SKAP2: variants seen among roughly 807,000 people sequenced by gnomAD.
The protein encoded by SKAP2 is src kinase associated phosphoprotein 2.
SKAP2 carries 28 observed loss-of-function variants against 54.9 expected under a neutral mutation model. That is an observed-to-expected ratio of 0.51 (90% CI 0.38 to 0.70). The LOEUF (loss-of-function observed/expected upper bound fraction) is 0.70, where lower values mean the gene tolerates loss of function less well. Among genes scored for constraint, SKAP2 ranks in the 30% least tolerant of loss-of-function variants. The pLI is 0.00. For synonymous variants in SKAP2, 137 were observed against 134.3 expected, an observed-to-expected ratio of 1.02 and a Z score of -0.14; for missense variants, 356 against 424.1, an observed-to-expected ratio of 0.84 and a Z score of 1.41.
At chr7:26,705,870 A>G (rs1027658610) in intron 9 of SKAP2, among the ~76,000 whole-genome samples, 5 of 152,220 alleles carry the variant, frequency 3.3e-5, no homozygotes, top group Non-Finnish European at 5.9e-5. Flanking sequence ...TCATATATTG[A>G]AAAGTTAAAA....
chr7:26,797,792 G>A (rs1783814199), intron 4 of SKAP2, among the ~76,000 whole-genome samples: 2 of 151,854 alleles, frequency 1.3e-5, no homozygotes, highest in South Asian at 4.2e-4. Context: ...CACAGAGAAG[G>A]AATTCTGAAT....
At chr7:26,849,642 G>GC (rs1320398943) in intron 3 of SKAP2, among the ~76,000 whole-genome samples, 2 of 143,000 alleles carry the variant, frequency 1.4e-5, no homozygotes, top group African/African-American at 5.2e-5. Context: ...CAGAGACCAC[G>GC]CCACTGCACT....
At chr7:26,830,132 C>T (rs1784569412) in intron 4 of SKAP2, among the ~76,000 whole-genome samples, 1 of 152,076 alleles carries the variant, frequency 6.6e-6, no homozygotes, top group Admixed American at 6.6e-5. Context: ...AAAAGCCAGA[C>T]ATACAAAGTT....
chr7:26,786,174 G>A (rs535995962), intron 4 of SKAP2, among the ~76,000 whole-genome samples: 2 of 152,118 alleles, frequency 1.3e-5, no homozygotes, highest in Admixed American at 6.5e-5. Context: ...CAAGATGGGG[G>A]AAATTAGGAC....
intron 7 of SKAP2, among the ~76,000 whole-genome samples, chr7:26,726,451 T>G (rs1398593024): frequency 6.6e-6 from 1 of 152,166 alleles, no homozygotes; most frequent in Non-Finnish European, 1.5e-5. Flanking sequence ...CTGATAGCTA[T>G]TGAATTGCAG....
At chr7:26,815,105 GTCT>G (rs1376246702) in intron 4 of SKAP2, among the ~76,000 whole-genome samples, 2 of 143,822 alleles carry the variant, frequency 1.4e-5, no homozygotes, top group Non-Finnish European at 3.1e-5. Context: ...TATACAAATG[GTCT>G]TTTTTTTTTT....
Position 26,864,425 on chromosome 7 carries a change from G to A in SKAP2, c.5C>T (p.Pro2Leu), listed in dbSNP as rs1243108044. 8.1e-6 allele frequency: 13 copies of A among 1,606,668 alleles called. No homozygotes were observed. The highest frequency in any genetic ancestry group is 2.7e-5 in the African/African-American group (2 of 74,512). The change falls in exon 1 of 13, where the codon CCC becomes CTC. Residue 2 changes from proline (P) to leucine (L), a missense_variant. Physicochemically the swap from Pro to Leu is moderately conservative, Grantham distance 98 (BLOSUM62 -3). Transcript: ENST00000345317. ...GGGAGAGGAGGTGCTGCTGGGGTTG[G>A]GCATGTTAGGGAGCGCAGGGCGTGC... M[P>L]NPSSTSSPYP...
At chr7:26,790,408 T>C (rs1358181049) in intron 4 of SKAP2, among the ~76,000 whole-genome samples, 1 of 152,218 alleles carries the variant, frequency 6.6e-6, no homozygotes, top group Non-Finnish European at 1.5e-5. Flanking sequence ...GGTGAACTTT[T>C]AGAAATCTTA....
intron 4 of SKAP2, among the ~76,000 whole-genome samples, chr7:26,790,641 A>G (rs1783655386): frequency 6.6e-6 from 1 of 152,334 alleles, no homozygotes; most frequent in South Asian, 2.1e-4. Flanking sequence ...TTTATATTTC[A>G]TACTTGCTTT....
At chr7:26,785,307 C>T (rs892105007) in intron 4 of SKAP2, among the ~76,000 whole-genome samples, 1 of 152,072 alleles carries the variant, frequency 6.6e-6, no homozygotes, top group African/African-American at 2.4e-5. Flanking sequence ...CTGCCTCAGC[C>T]TCCCGAGTAG....
intron 4 of SKAP2, among the ~76,000 whole-genome samples, chr7:26,788,823 C>T (rs1273080136): frequency 1.3e-5 from 2 of 150,934 alleles, no homozygotes; most frequent in South Asian, 2.1e-4. Flanking sequence ...TACACACGTG[C>T]GCACACACAC....
At chr7:26,824,097 A>AGAATCAATCAAT (rs70946233) in intron 4 of SKAP2, among the ~76,000 whole-genome samples, 77,181 of 150,790 alleles carry the variant, frequency 0.51, 20,438 homozygotes, top group East Asian at 0.85. Context: ...CATGGAAAGA[A>AGAATCAATCAAT]GAATCAATCA....
At chr7:26,662,252 C>T (rs753693940), downstream of SKAP2, among the ~76,000 whole-genome samples, 3 of 152,164 alleles carry the variant, frequency 2.0e-5, no homozygotes, top group Non-Finnish European at 2.9e-5. Flanking sequence ...TCAGGAGCTA[C>T]AAGCATTTTG....
intron 9 of SKAP2, among the ~76,000 whole-genome samples, chr7:26,717,840 T>C (rs1473079652): frequency 6.6e-6 from 1 of 150,660 alleles, no homozygotes; most frequent in South Asian, 2.1e-4. Flanking sequence ...TCAAAAAAAA[T>C]AAAAAAATAA....
chr7:26,748,727 T>C (rs1029475761), intron 4 of SKAP2, among the ~76,000 whole-genome samples: 2 of 152,072 alleles, frequency 1.3e-5, no homozygotes, highest in Admixed American at 1.3e-4. Flanking sequence ...TCTAAATATA[T>C]CAAAATGTTC....
intron 4 of SKAP2, among the ~76,000 whole-genome samples, chr7:26,741,239 G>A (rs373514660): frequency 1.3e-5 from 2 of 151,742 alleles, no homozygotes; most frequent in Admixed American, 6.6e-5. Flanking sequence ...CTAAGTGGCC[G>A]GGTGCAATGG....
intron 1 of SKAP2, among the ~76,000 whole-genome samples, chr7:26,861,941 C>T (rs1026087770): frequency 3.3e-5 from 5 of 151,674 alleles, no homozygotes; most frequent in African/African-American, 1.2e-4. Context: ...GACTTTAAAC[C>T]CCTGAAAAGT....
At chr7:26,734,068 C>T (rs978086021) in intron 6 of SKAP2, among the ~76,000 whole-genome samples, 1 of 152,098 alleles carries the variant, frequency 6.6e-6, no homozygotes, top group African/African-American at 2.4e-5. Context: ...CTTATGGGCA[C>T]CTTGGAGGGG....
At chr7:26,677,394 T>TAA (rs1322136047) in intron 11 of SKAP2, among the ~76,000 whole-genome samples, 89 of 72,936 alleles carry the variant, frequency 1.2e-3, no homozygotes, top group Middle Eastern at 8.3e-3. Flanking sequence ...TCTGTCTCAA[T>TAA]AAAAAAAAAA....
Sources: allele counts gnomAD v4.1 joint callset (sites outside exome capture counted in the v4.1 genomes callset), GRCh38; gene constraint gnomAD v4.1.1; transcripts MANE v1.5; gene names NCBI Gene and HGNC (gene_info 2026-07-23, HGNC 2026-07-21).